PTPRD: variants seen among roughly 807,000 people sequenced by gnomAD.
PTPRD encodes the protein receptor-type tyrosine-protein phosphatase delta.
Under a neutral mutation model 214.5 loss-of-function variants are expected in PTPRD, and 34 were observed. That is an observed-to-expected ratio of 0.16 (90% CI 0.12 to 0.21). PTPRD has a LOEUF of 0.21. Ranked by LOEUF, PTPRD falls within the 10% of genes least tolerant of loss-of-function variation. PTPRD has a pLI of 1.00. For synonymous variants in PTPRD, 1,128 were observed against 845.7 expected, an observed-to-expected ratio of 1.33 and a Z score of -5.79; for missense variants, 2,545 against 2,398.7, an observed-to-expected ratio of 1.06 and a Z score of -1.27.
chr9:8,684,373 T>C (rs1379212015), intron 12 of PTPRD, among the ~76,000 whole-genome samples: 2 of 152,172 alleles, frequency 1.3e-5, no homozygotes, highest in African/African-American at 2.4e-5. Context: ...GAGAAGCTAA[T>C]AAGGTGCTCA....
At chr9:8,776,909 A>T (rs1565975918) in intron 11 of PTPRD, among the ~76,000 whole-genome samples, 1 of 21,616 alleles carries the variant, frequency 4.6e-5, no homozygotes, top group Non-Finnish European at 8.8e-5. Flanking sequence ...ACATATGTAT[A>T]ATATATGTAT....
At chr9:10,353,709 A>T (rs1236023641) in intron 2 of PTPRD, among the ~76,000 whole-genome samples, 1 of 151,942 alleles carries the variant, frequency 6.6e-6, no homozygotes, top group Admixed American at 6.6e-5. Context: ...CTTTAAAATG[A>T]ATTTAAAGTT....
At chr9:9,074,877 T>C (rs866088216) in intron 10 of PTPRD, among the ~76,000 whole-genome samples, 43 of 151,842 alleles carry the variant, frequency 2.8e-4, no homozygotes, top group African/African-American at 8.9e-4. Context: ...GGAAAAGAAA[T>C]TACAATTTAG....
At chr9:9,290,045 T>C (rs1487629135) in intron 9 of PTPRD, among the ~76,000 whole-genome samples, 1 of 151,744 alleles carries the variant, frequency 6.6e-6, no homozygotes, top group Non-Finnish European at 1.5e-5. Context: ...CTGTTTTCCA[T>C]GATGATCATA....
At chr9:9,385,982 G>A (rs1456045397) in intron 9 of PTPRD, among the ~76,000 whole-genome samples, 1 of 152,008 alleles carries the variant, frequency 6.6e-6, no homozygotes. Flanking sequence ...TTTGCTTCTG[G>A]AATAGCTGTG....
At chr9:10,101,059 A>G (rs1214610344) in intron 3 of PTPRD, among the ~76,000 whole-genome samples, 2 of 151,710 alleles carry the variant, frequency 1.3e-5, no homozygotes, top group Admixed American at 1.3e-4. Context: ...CAGCCTGGCC[A>G]GAAACCTCAA....
intron 2 of PTPRD, among the ~76,000 whole-genome samples, chr9:10,375,753 A>C (rs2097715923): frequency 1.3e-5 from 2 of 151,986 alleles, no homozygotes; most frequent in South Asian, 4.1e-4. Flanking sequence ...AATATCTGGA[A>C]AACCTTTGAG....
chr9:9,474,145 G>A (rs1032482822), intron 8 of PTPRD, among the ~76,000 whole-genome samples: 1 of 152,098 alleles, frequency 6.6e-6, no homozygotes, highest in Admixed American at 6.6e-5. Flanking sequence ...GATGGTGAGA[G>A]ATAGGGGTTT....
intron 9 of PTPRD, among the ~76,000 whole-genome samples, chr9:9,290,788 T>A (rs946120599): frequency 1.3e-5 from 2 of 151,520 alleles, no homozygotes; most frequent in Non-Finnish European, 3.0e-5. Flanking sequence ...TGCTAATTAT[T>A]TTTCCAGTGA....
chr9:10,533,111 C>G (rs542399245), intron 2 of PTPRD, among the ~76,000 whole-genome samples: 55 of 152,192 alleles, frequency 3.6e-4, no homozygotes, highest in African/African-American at 1.2e-3. Flanking sequence ...GGGTTTTTCT[C>G]TCTTGCTTCC....
At chr9:8,753,927 C>G (rs967933356) in intron 11 of PTPRD, among the ~76,000 whole-genome samples, 28 of 152,030 alleles carry the variant, frequency 1.8e-4, no homozygotes, top group African/African-American at 5.3e-4. Context: ...GTTGGATCAC[C>G]TGAGGTCAGG....
intron 5 of PTPRD, among the ~76,000 whole-genome samples, chr9:9,850,390 T>C (rs1489959065): frequency 6.6e-6 from 1 of 152,136 alleles, no homozygotes; most frequent in Non-Finnish European, 1.5e-5. Flanking sequence ...GCTATTGTCC[T>C]GGTTTTCTAC....
intron 3 of PTPRD, among the ~76,000 whole-genome samples, chr9:10,067,583 G>A (rs2097909271): frequency 6.6e-6 from 1 of 151,822 alleles, no homozygotes; most frequent in South Asian, 2.1e-4. Context: ...CTGAGACTCT[G>A]CGAGGAGGTA....
At chr9:8,541,383 C>A (rs879530929) in intron 14 of PTPRD, among the ~76,000 whole-genome samples, 9 of 152,122 alleles carry the variant, frequency 5.9e-5, no homozygotes, top group Non-Finnish European at 8.8e-5. Flanking sequence ...GCATGTGTCA[C>A]AATACCTGGC....
At chr9:9,328,466 A>G (rs1016829807) in intron 9 of PTPRD, among the ~76,000 whole-genome samples, 1 of 151,848 alleles carries the variant, frequency 6.6e-6, no homozygotes, top group African/African-American at 2.4e-5. Context: ...TTTAAACTCA[A>G]TTTCTGCTTT....
chr9:9,114,803 G>A lies in PTPRD; in HGVS notation c.-143+68501C>T, dbSNP rs527746656. ...ATGGCTTTGAAACGGGTCCCAGTTCGTATGCATCTATGGGCCTTGGGCATT... is the reference window on the plus strand; with the variant it reads ...ATGGCTTTGAAACGGGTCCCAGTTCATATGCATCTATGGGCCTTGGGCATT... On this transcript the variant is annotated intron_variant, in intron 10 of 45. Coordinates refer to ENST00000381196, the MANE Select transcript of PTPRD (RefSeq NM_002839.4). Among the ~76,000 whole-genome samples the A allele has an allele frequency of 1.2e-3, 179 of 152,128 alleles. 1 individual carries two copies. The highest frequency in any genetic ancestry group is 4.0e-3 in the African/African-American group (168 of 41,514).
chr9:9,659,486 CAATT>C (rs1220525478), intron 7 of PTPRD, among the ~76,000 whole-genome samples: 1 of 151,950 alleles, frequency 6.6e-6, no homozygotes, highest in Non-Finnish European at 1.5e-5. Flanking sequence ...TACATCAAAT[CAATT>C]AAGTCAGAAT....
At chr9:10,531,289 G>C (rs559475629) in intron 2 of PTPRD, among the ~76,000 whole-genome samples, 6 of 152,110 alleles carry the variant, frequency 3.9e-5, no homozygotes, top group Non-Finnish European at 8.8e-5. Flanking sequence ...TATATACACA[G>C]ACTTAAAAGA....
intron 6 of PTPRD, among the ~76,000 whole-genome samples, chr9:9,757,376 C>G (rs956760863): frequency 2.6e-5 from 4 of 152,106 alleles, no homozygotes; most frequent in Non-Finnish European, 4.4e-5. Context: ...AACACAGCAG[C>G]TTCTGGGCTT....
Sources: allele counts gnomAD v4.1 joint callset (sites outside exome capture counted in the v4.1 genomes callset), GRCh38; gene constraint gnomAD v4.1.1; transcripts MANE v1.5; gene names NCBI Gene and HGNC (gene_info 2026-07-23, HGNC 2026-07-21).